The following COL25A1 variants were observed in gnomAD, a reference collection of about 807,000 sequenced individuals.
The protein encoded by COL25A1 is collagen type XXV alpha 1 chain.
Under a neutral mutation model 128.4 loss-of-function variants are expected in COL25A1, and 103 were observed. The observed-to-expected ratio is 0.80, with a 90% confidence interval of 0.68 to 0.94. The LOEUF (loss-of-function observed/expected upper bound fraction) is 0.94. Among genes scored for constraint, COL25A1 ranks in the 40% least tolerant of loss-of-function variants. The pLI is 0.00. For synonymous variants in COL25A1, 279 were observed against 277.2 expected (o/e 1.01, Z -0.06); for missense variants, 745 against 840.0 (o/e 0.89, Z 1.40).
At chr4:109,069,734 T>A (rs1233199474) in intron 3 of COL25A1, among the ~76,000 whole-genome samples, 1 of 152,190 alleles carries the variant, frequency 6.6e-6, no homozygotes, top group African/African-American at 2.4e-5. Flanking sequence ...GAAATCTTCA[T>A]ATCCCTCTAT....
intron 3 of COL25A1, among the ~76,000 whole-genome samples, chr4:109,156,555 G>A (rs1366903915): frequency 1.3e-5 from 2 of 151,866 alleles, no homozygotes; most frequent in African/African-American, 2.4e-5. Flanking sequence ...TTTTGGAATT[G>A]CCCCAAGTCT....
intron 3 of COL25A1, among the ~76,000 whole-genome samples, chr4:109,081,027 G>A (rs946429151): frequency 6.6e-6 from 1 of 152,174 alleles, no homozygotes; most frequent in Non-Finnish European, 1.5e-5. Flanking sequence ...ACCTGCGCAA[G>A]GTCACATTGC....
At chr4:108,817,966 A>C (rs2125705912) in intron 36 of COL25A1, among the ~76,000 whole-genome samples, 1 of 152,330 alleles carries the variant, frequency 6.6e-6, no homozygotes, top group East Asian at 1.9e-4. Context: ...CAATTGAATT[A>C]GAGGACAGGC....
chr4:108,964,083 G>A (rs888172750), intron 8 of COL25A1, among the ~76,000 whole-genome samples: 2 of 149,076 alleles, frequency 1.3e-5, no homozygotes, highest in African/African-American at 4.9e-5. Flanking sequence ...ATTAAATAAT[G>A]TGAATATTAA....
intron 8 of COL25A1, among the ~76,000 whole-genome samples, chr4:108,967,649 C>T (rs941538558): frequency 3.9e-5 from 6 of 152,162 alleles, no homozygotes; most frequent in African/African-American, 1.2e-4. Flanking sequence ...CCACTTTTCC[C>T]GTTTTCCTCC....
chr4:109,175,506 A>G (rs1277223261), intron 3 of COL25A1, among the ~76,000 whole-genome samples: 3 of 152,168 alleles, frequency 2.0e-5, no homozygotes, highest in Non-Finnish European at 4.4e-5. Context: ...ATAAAACACA[A>G]TTGTGATTAT....
intron 31 of COL25A1, among the ~76,000 whole-genome samples, chr4:108,834,775 C>T (rs924400848): frequency 9.9e-5 from 15 of 152,108 alleles, no homozygotes; most frequent in East Asian, 1.9e-4. Flanking sequence ...GAGAAAAGAA[C>T]GGTAATTTCC....
chr4:109,204,772 T>C (rs1776845720), intron 3 of COL25A1, among the ~76,000 whole-genome samples: 1 of 152,122 alleles, frequency 6.6e-6, no homozygotes, highest in East Asian at 1.9e-4. Flanking sequence ...GGTGTTACAA[T>C]ACCTACCAAA....
chr4:109,110,479 C>T (rs1382363898), intron 3 of COL25A1, among the ~76,000 whole-genome samples: 2 of 152,116 alleles, frequency 1.3e-5, no homozygotes, highest in Non-Finnish European at 2.9e-5. Context: ...CAGGGGCTTA[C>T]CTATTTCTGT....
intron 3 of COL25A1, among the ~76,000 whole-genome samples, chr4:109,141,987 C>T (rs900585808): frequency 2.0e-5 from 3 of 152,100 alleles, no homozygotes; most frequent in African/African-American, 4.8e-5. Context: ...TTTATTTGCT[C>T]TTGCTTCTCT....
At chr4:109,246,369 C>T (rs1485229275) in intron 3 of COL25A1, among the ~76,000 whole-genome samples, 2 of 152,176 alleles carry the variant, frequency 1.3e-5, no homozygotes, top group East Asian at 1.9e-4. Flanking sequence ...GCTCTAGAGA[C>T]TACATCATTT....
Position 108,884,225 on chromosome 4 carries a change from A to G in COL25A1, c.976-3T>C. The G allele has an allele frequency of 6.2e-7, 1 of 1,613,098 alleles. No homozygotes were observed. Among genetic ancestry groups the G allele is most frequent in the Non-Finnish European group, 8.5e-7 (1 of 1,179,198 alleles). The stretch of plus-strand genomic sequence containing the variant: ...AGCCCAGGAAGCCCTGGTTCACCCT[A>G]CACAGGAAAATCATATAGCATTATA... On this transcript the variant is annotated splice_polypyrimidine_tract_variant and splice_region_variant and intron_variant, in intron 18 of 37. Transcript: ENST00000399132.
chr4:108,996,238 G>GAC, intron 6 of COL25A1, among the ~76,000 whole-genome samples: 1 of 118,634 alleles, frequency 8.4e-6, no homozygotes, highest in African/African-American at 3.2e-5. Context: ...CACATGCAAA[G>GAC]ACACATAGGC....
chr4:108,821,533 G>A (rs906846012), intron 35 of COL25A1, among the ~76,000 whole-genome samples: 1 of 152,130 alleles, frequency 6.6e-6, no homozygotes, highest in African/African-American at 2.4e-5. Context: ...CTGAGACCAG[G>A]TGTCTTGGGT....
chr4:109,271,327 C>T (rs979241468), intron 3 of COL25A1, among the ~76,000 whole-genome samples: 2 of 152,220 alleles, frequency 1.3e-5, no homozygotes, highest in South Asian at 4.1e-4. Context: ...TTATAGTGTA[C>T]TAAATTCTAC....
chr4:109,258,065 C>A (rs1352024141), intron 3 of COL25A1, among the ~76,000 whole-genome samples: 2 of 152,140 alleles, frequency 1.3e-5, no homozygotes, highest in African/African-American at 4.8e-5. Context: ...ATTAACAGAG[C>A]CCAGTTGAGT....
At chr4:108,883,948 G>C (rs893513804) in intron 19 of COL25A1, among the ~76,000 whole-genome samples, 4 of 152,138 alleles carry the variant, frequency 2.6e-5, no homozygotes, top group African/African-American at 9.7e-5. Context: ...ATTTATTTAA[G>C]GGGCAGTAGT....
intron 3 of COL25A1, among the ~76,000 whole-genome samples, chr4:109,070,786 T>C (rs1238045590): frequency 1.3e-5 from 2 of 150,152 alleles, no homozygotes; most frequent in African/African-American, 4.9e-5. Context: ...ACATGCGGTG[T>C]TTGGTTTTTT....
chr4:108,939,726 A>T (rs1747858525), intron 10 of COL25A1, among the ~76,000 whole-genome samples: 1 of 152,212 alleles, frequency 6.6e-6, no homozygotes, highest in African/African-American at 2.4e-5. Flanking sequence ...TAAATAATTT[A>T]ATCCAGTAAT....
Sources: gnomAD v4.1 joint callset for allele counts (sites outside exome capture counted in the v4.1 genomes callset) on GRCh38, gnomAD v4.1.1 for gene constraint, MANE v1.5 for transcripts, NCBI Gene and HGNC (gene_info 2026-07-23, HGNC 2026-07-21) for gene names.